Variants in DPH6 observed in about 807,000 individuals in gnomAD.
DPH6 encodes diphthine--ammonia ligase.
Under a neutral mutation model 38.2 loss-of-function variants are expected in DPH6, and 33 were observed. The observed-to-expected ratio is 0.86, with a 90% CI of 0.65 to 1.15. The LOEUF is 1.15. DPH6 is among the 50% of genes most tolerant of loss of function. The pLI is 0.00. For missense variants in DPH6, 325 were observed against 320.0 expected (o/e 1.02, Z -0.12); for synonymous variants, 108 against 103.0 (o/e 1.05, Z -0.30).
At chr15:35,437,141 A>T (rs2053727037) in intron 5 of DPH6, among the ~76,000 whole-genome samples, 1 of 152,040 alleles carries the variant, frequency 6.6e-6, no homozygotes, top group Admixed American at 6.5e-5. Context: ...CGAAAGAAAG[A>T]GGGATGCCTC....
intron 3 of DPH6, among the ~76,000 whole-genome samples, chr15:35,510,095 A>G (rs893613051): frequency 7.2e-5 from 11 of 152,192 alleles, no homozygotes; most frequent in African/African-American, 2.7e-4. Context: ...GTGTTCCTGT[A>G]GTACCAGCTA....
At chr15:35,446,321 C>G (rs1019689175) in intron 5 of DPH6, among the ~76,000 whole-genome samples, 2 of 150,806 alleles carry the variant, frequency 1.3e-5, no homozygotes, top group Admixed American at 1.3e-4. Context: ...GCCTTGACTT[C>G]CCAGGCTCAA....
At chr15:35,475,046 C>T (rs2054247717) in intron 3 of DPH6, among the ~76,000 whole-genome samples, 1 of 151,822 alleles carries the variant, frequency 6.6e-6, no homozygotes. Flanking sequence ...TCAGACTTCA[C>T]CCCTGCATCT....
intron 3 of DPH6, among the ~76,000 whole-genome samples, chr15:35,251,918 C>T (rs2140410042): frequency 6.6e-6 from 1 of 152,268 alleles, no homozygotes; most frequent in Non-Finnish European, 1.5e-5. Context: ...GCAGGTTTAT[C>T]ACCTGAGGTC....
chr15:35,496,567 A>AAAAAAAAAAAAAAAAATAT, intron 3 of DPH6, among the ~76,000 whole-genome samples: 9 of 31,008 alleles, frequency 2.9e-4, no homozygotes, highest in African/African-American at 1.2e-3. Flanking sequence ...AAAAAAAAAA[A>AAAAAAAAAAAAAAAAATAT]ATATATATAT....
At chr15:35,193,236 T>C in the DPH6 span, among the ~76,000 whole-genome samples, 3 of 152,062 alleles carry the variant, frequency 2.0e-5, no homozygotes, top group Admixed American at 6.6e-5. Context: ...ATTTCCCCCT[T>C]TTAAGAACAA....
chr15:35,320,001 A>T (rs1271510445), intron 3 of DPH6, among the ~76,000 whole-genome samples: 4 of 152,174 alleles, frequency 2.6e-5, no homozygotes, highest in Non-Finnish European at 5.9e-5. Flanking sequence ...ACATGGAGCT[A>T]TGTGAAAATT....
chr15:35,444,326 CAATTCT>C (rs1233053710), intron 5 of DPH6, among the ~76,000 whole-genome samples: 3 of 152,124 alleles, frequency 2.0e-5, no homozygotes, highest in Non-Finnish European at 4.4e-5. Context: ...TTTATCCTTC[CAATTCT>C]AATCAGTGTA....
intron 3 of DPH6, among the ~76,000 whole-genome samples, chr15:35,361,756 G>C (rs1445738231): frequency 6.6e-6 from 1 of 150,772 alleles, no homozygotes; most frequent in Non-Finnish European, 1.5e-5. Context: ...TATATTCTTT[G>C]GTTCCAGATT....
At chr15:35,301,024 T>A (rs557853259) in intron 3 of DPH6, among the ~76,000 whole-genome samples, 2 of 152,288 alleles carry the variant, frequency 1.3e-5, no homozygotes, top group African/African-American at 4.8e-5. Context: ...TATTTCTTGA[T>A]CTGAGCAACA....
chr15:35,283,426 A>G (rs900191477), intron 3 of DPH6, among the ~76,000 whole-genome samples: 1 of 151,924 alleles, frequency 6.6e-6, no homozygotes, highest in Non-Finnish European at 1.5e-5. Context: ...GTTCCCGAGC[A>G]GCTGGGACCA....
At chr15:35,537,491 A>G (rs1419283799) in intron 3 of DPH6, among the ~76,000 whole-genome samples, 1 of 152,168 alleles carries the variant, frequency 6.6e-6, no homozygotes, top group Non-Finnish European at 1.5e-5. Flanking sequence ...AAATGAAAAG[A>G]TAGTTGCTTA....
At chr15:35,211,923 C>G in the DPH6 span, among the ~76,000 whole-genome samples, 1 of 152,188 alleles carries the variant, frequency 6.6e-6, no homozygotes, top group African/African-American at 2.4e-5. Context: ...CCTTATAAGG[C>G]CTTCGGCTCT....
chr15:35,289,067 T>C (rs1002865394), intron 3 of DPH6, among the ~76,000 whole-genome samples: 1 of 152,208 alleles, frequency 6.6e-6, no homozygotes, highest in Non-Finnish European at 1.5e-5. Context: ...TTTCTACTTA[T>C]TTTAAATGAA....
chr15:35,401,551 G>A lies in DPH6; in HGVS notation c.567+9284C>T. 3.9e-6 allele frequency: 3 copies of A among 771,378 alleles called. No homozygotes were observed. The Admixed American group carries it at 5.1e-5, about 13-fold the overall frequency. The allele number at this position is 771,378 out of a possible 1,614,324, so 47.8% of individuals were successfully genotyped here. On this transcript the variant is annotated intron_variant, in intron 6 of 8. Coordinates refer to ENST00000256538, the MANE Select transcript of DPH6 (RefSeq NM_080650.4). ...TGGAGGCAGAGGTGGCTTTGGTGGT[G>A]GTAGTGGAAGCAATTTTGGAGGTGG...
downstream of DPH6, among the ~76,000 whole-genome samples, chr15:35,370,493 T>TA: frequency 6.6e-6 from 1 of 151,606 alleles, no homozygotes; most frequent in Non-Finnish European, 1.5e-5. Flanking sequence ...AACTCAATAA[T>TA]AAGACAAAAA....
chr15:35,301,264 A>G (rs1279809278), intron 3 of DPH6, among the ~76,000 whole-genome samples: 2 of 152,178 alleles, frequency 1.3e-5, no homozygotes, highest in African/African-American at 4.8e-5. Flanking sequence ...TGAAAGGAGG[A>G]GCTATTGATA....
chr15:35,488,979 CA>C (rs2054441113), intron 3 of DPH6, among the ~76,000 whole-genome samples: 1 of 146,130 alleles, frequency 6.8e-6, no homozygotes, highest in African/African-American at 2.7e-5. Context: ...ACATTTTTGC[CA>C]GGAAAAAAAA....
chr15:35,484,028 A>G (rs1344463305), intron 3 of DPH6, among the ~76,000 whole-genome samples: 1 of 152,168 alleles, frequency 6.6e-6, no homozygotes, highest in African/African-American at 2.4e-5. Context: ...GCATTGAGAT[A>G]TGTGAGCAAG....
Sources: allele counts gnomAD v4.1 joint callset (sites outside exome capture counted in the v4.1 genomes callset), GRCh38; gene constraint gnomAD v4.1.1; transcripts MANE v1.5; gene names NCBI Gene and HGNC (gene_info 2026-07-23, HGNC 2026-07-21).